Variants in SCYL2 observed in about 807,000 individuals in gnomAD.
SCYL2 encodes the protein SCY1 like pseudokinase 2.
SCYL2 carries 36 observed loss-of-function variants against 100.4 expected under a neutral mutation model. That is an observed-to-expected ratio of 0.36 (90% CI 0.27 to 0.47). The LOEUF (loss-of-function observed/expected upper bound fraction) is 0.47, where lower values mean the gene tolerates loss of function less well. Ranked by LOEUF, SCYL2 falls within the 20% of genes least tolerant of loss-of-function variation. The probability of loss-of-function intolerance (pLI) is 1.00; values close to 1 mark genes in which losing one functional copy is unlikely to be tolerated. For missense variants in SCYL2, 902 were observed against 1,083.9 expected, an observed-to-expected ratio of 0.83 and a Z score of 2.36; for synonymous variants, 330 against 359.2, an observed-to-expected ratio of 0.92 and a Z score of 0.92.
At chr12:100,320,889 C>T (rs1333223276) in intron 10 of SCYL2, among the ~76,000 whole-genome samples, 1 of 152,138 alleles carries the variant, frequency 6.6e-6, no homozygotes, top group East Asian at 1.9e-4. Flanking sequence ...CTTCTCCCAT[C>T]TGTGGTCCTT....
chr12:100,337,338 A>G, intron 16 of SCYL2, 49 bp from the exon 17 acceptor site: 1 of 1,595,476 alleles, frequency 6.3e-7, no homozygotes, highest in South Asian at 1.1e-5. Flanking sequence ...TGTTTTACAA[A>G]TGGACTTAAT....
chr12:100,317,722 T>C, intron 9 of SCYL2, 81 bp from the exon 10 acceptor site: 1 of 1,462,464 alleles, frequency 6.8e-7, no homozygotes, highest in Non-Finnish European at 9.0e-7. Flanking sequence ...AGTTATTCTT[T>C]TGAAGAAGCT....
chr12:100,336,243 A>G (rs1390306247), intron 16 of SCYL2, among the ~76,000 whole-genome samples: 1 of 152,044 alleles, frequency 6.6e-6, no homozygotes, highest in Non-Finnish European at 1.5e-5. Context: ...GGATTCTACT[A>G]TAGATTTGTG....
intron 16 of SCYL2, 31 bp from the exon 17 acceptor site, chr12:100,337,356 C>T (rs556683200): frequency 9.4e-6 from 15 of 1,597,486 alleles, no homozygotes; most frequent in Middle Eastern, 1.7e-4. Flanking sequence ...AATAAATTGC[C>T]GGTTGATTTT....
intron 4 of SCYL2, among the ~76,000 whole-genome samples, chr12:100,303,149 C>A (rs190455269): frequency 1.3e-5 from 2 of 152,130 alleles, no homozygotes; most frequent in East Asian, 3.9e-4. Flanking sequence ...GTTAGCAATT[C>A]CTCTTTTTCA....
intron 3 of SCYL2, among the ~76,000 whole-genome samples, chr12:100,293,783 G>A (rs1037099180): frequency 1.3e-5 from 2 of 152,066 alleles, no homozygotes; most frequent in African/African-American, 4.8e-5. Flanking sequence ...ATCTTGCGCC[G>A]CCCTTAATCC....
intron 1 of SCYL2, among the ~76,000 whole-genome samples, chr12:100,280,407 T>C (rs566566206): frequency 1.8e-3 from 274 of 152,340 alleles, no homozygotes; most frequent in Non-Finnish European, 2.8e-3. Flanking sequence ...TAATTCTCTT[T>C]GAAGTCTTTA....
At chr12:100,297,798 G>C (rs1012041987) in intron 3 of SCYL2, among the ~76,000 whole-genome samples, 3 of 151,944 alleles carry the variant, frequency 2.0e-5, no homozygotes, top group Non-Finnish European at 4.4e-5. Context: ...AAAAAAGATC[G>C]CAGTTATCAC....
At chr12:100,284,191 G>A (rs186480834) in intron 2 of SCYL2, among the ~76,000 whole-genome samples, 82 of 152,206 alleles carry the variant, frequency 5.4e-4, no homozygotes, top group Non-Finnish European at 8.8e-4. Flanking sequence ...ATCTCTGTGC[G>A]TAACTAGAAA....
Position 100,312,626 on chromosome 12 carries a change from C to T in SCYL2, c.825C>T (p.Tyr275=), listed in dbSNP as rs372819440. The T allele has an allele frequency of 1.0e-4, 162 of 1,612,012 alleles. No individual in the cohort carries two copies. Among genetic ancestry groups the T allele is most frequent in the Non-Finnish European group, 1.2e-4 (147 of 1,178,920 alleles). ...PIFEVNKQDI[Y]KSFSRQLDQL... ...TTGAAGTCAACAAGCAAGATATTTACAAGAGTTTCAGTAGGCAGTTGGATC... is the reference window on the plus strand; with the variant it reads ...TTGAAGTCAACAAGCAAGATATTTATAAGAGTTTCAGTAGGCAGTTGGATC... The change falls in exon 6 of 18, where the codon TAC becomes TAT. Residue 275 remains tyrosine, a synonymous_variant. Transcript: ENST00000360820.
chr12:100,315,414 A>C (rs1026994114), intron 8 of SCYL2, 144 bp from the exon 9 acceptor site: 6 of 608,954 alleles, frequency 9.9e-6, no homozygotes, highest in African/African-American at 1.9e-5. Flanking sequence ...ATCCCACTTT[A>C]CTCTGAAAAT....
Position 100,337,238 on chromosome 12 carries a change from A to C in SCYL2, c.2026-149A>C, listed in dbSNP as rs140160909. 6.8e-4 allele frequency: 613 copies of C among 901,490 alleles called. 1 individual carries two copies. In the African/African-American group the frequency reaches 9.4e-3, roughly 14 times the overall value. The allele number at this position is 901,490 out of a possible 1,614,324, so 55.8% of individuals were successfully genotyped here. On this transcript the variant is annotated intron_variant, in intron 16 of 17. Coordinates refer to ENST00000360820, the MANE Select transcript of SCYL2 (RefSeq NM_017988.6). ...AAAGTTAAATTATATAGTAATTTGA[A>C]ATACAGCTTACTGTGACAATCACCA...
chr12:100,319,142 T>TTAA, intron 10 of SCYL2: 1 of 446,016 alleles, frequency 2.2e-6, no homozygotes, highest in Admixed American at 2.4e-5. Context: ...CTTTTTGGAC[T>TTAA]TAATTCAGTC....
chr12:100,309,038 C>T (rs910788478), intron 4 of SCYL2, among the ~76,000 whole-genome samples: 1 of 151,830 alleles, frequency 6.6e-6, no homozygotes, highest in Non-Finnish European at 1.5e-5. Context: ...TTCTTCAGTG[C>T]CTCTTTCAGT....
intron 3 of SCYL2, among the ~76,000 whole-genome samples, chr12:100,297,411 A>G (rs895259599): frequency 1.3e-5 from 2 of 152,230 alleles, no homozygotes; most frequent in African/African-American, 4.8e-5. Context: ...GAATGTTAAT[A>G]TCTAACATTT....
intron 3 of SCYL2, among the ~76,000 whole-genome samples, chr12:100,296,546 G>A (rs1025097214): frequency 6.6e-6 from 1 of 152,076 alleles, no homozygotes; most frequent in Non-Finnish European, 1.5e-5. Flanking sequence ...GGAAGCAAAA[G>A]GAAGGAAAAA....
At chr12:100,301,700 A>T (rs1435792789) in intron 4 of SCYL2, among the ~76,000 whole-genome samples, 3 of 152,276 alleles carry the variant, frequency 2.0e-5, no homozygotes, top group Admixed American at 2.0e-4. Context: ...TTGGTCCAGA[A>T]TTGCCTTCAA....
At chr12:100,308,077 T>C (rs2096336879) in intron 4 of SCYL2, among the ~76,000 whole-genome samples, 1 of 152,192 alleles carries the variant, frequency 6.6e-6, no homozygotes, top group South Asian at 2.1e-4. Flanking sequence ...GAAAACAGTA[T>C]GGCGATTCCT....
rs913590738 is a variant in SCYL2, at chr12:100,306,614, C to T, written c.481-4430C>T. ...GGCACAAATGCCCTCTCTCACCACT[C>T]CTATTCAACATTGTATTGGAAATTC... On this transcript the variant is annotated intron_variant, in intron 4 of 17. Coordinates refer to ENST00000360820, the MANE Select transcript of SCYL2 (RefSeq NM_017988.6). Among the ~76,000 whole-genome samples, 43 of 152,182 alleles carry T rather than the reference C, an allele frequency of 2.8e-4. 1 individual carries two copies. The highest frequency in any genetic ancestry group is 1.0e-4 in the Non-Finnish European group (7 of 68,038).
Sources: allele counts gnomAD v4.1 joint callset (sites outside exome capture counted in the v4.1 genomes callset), GRCh38; gene constraint gnomAD v4.1.1; transcripts MANE v1.5; gene names NCBI Gene and HGNC (gene_info 2026-07-23, HGNC 2026-07-21).